SPAG16: variants seen among roughly 807,000 people sequenced by gnomAD.
SPAG16 encodes the protein sperm associated antigen 16.
In SPAG16, 86 loss-of-function variants were observed where a neutral mutation model predicts 80.4. That is an observed-to-expected ratio of 1.07 (90% confidence interval 0.90 to 1.28). The LOEUF (loss-of-function observed/expected upper bound fraction) is 1.28, where lower values mean the gene tolerates loss of function less well. Among genes scored for constraint, SPAG16 ranks in the 50% most tolerant of loss-of-function variants. The probability of loss-of-function intolerance (pLI) is 0.00; values close to 1 mark genes in which losing one functional copy is unlikely to be tolerated. For missense variants in SPAG16, 870 were observed against 765.3 expected (o/e 1.14, Z -1.61); for synonymous variants, 294 against 265.9 (o/e 1.11, Z -1.03).
intron 10 of SPAG16, among the ~76,000 whole-genome samples, chr2:213,774,302 A>G (rs2069435256): frequency 6.6e-6 from 1 of 152,246 alleles, no homozygotes; most frequent in South Asian, 2.1e-4. Context: ...TGACAGGGAC[A>G]TAATCCTTAC....
chr2:213,780,571 C>CT (rs367744311), intron 10 of SPAG16, among the ~76,000 whole-genome samples: 36,843 of 124,534 alleles, frequency 0.3, 5,667 homozygotes, highest in Middle Eastern at 0.4. Context: ...TCTTTTCTTT[C>CT]TTTTTTTTTT....
intron 10 of SPAG16, among the ~76,000 whole-genome samples, chr2:213,637,338 T>C (rs1015780613): frequency 6.6e-6 from 1 of 152,242 alleles, no homozygotes; most frequent in African/African-American, 2.4e-5. Flanking sequence ...TAGATTCAGC[T>C]AGTTAGTATT....
At chr2:214,157,256 A>C (rs2056256259) in intron 15 of SPAG16, among the ~76,000 whole-genome samples, 1 of 152,098 alleles carries the variant, frequency 6.6e-6, no homozygotes. Context: ...CCCATTTTAA[A>C]GTTTTAAGAG....
At chr2:213,824,357 G>A (rs1237560742) in intron 10 of SPAG16, among the ~76,000 whole-genome samples, 1 of 152,148 alleles carries the variant, frequency 6.6e-6, no homozygotes, top group Non-Finnish European at 1.5e-5. Context: ...TTTTCTTTTA[G>A]CAGTTTCATA....
chr2:213,928,498 T>G (rs1429222934), intron 11 of SPAG16, among the ~76,000 whole-genome samples: 1 of 152,168 alleles, frequency 6.6e-6, no homozygotes, highest in Non-Finnish European at 1.5e-5. Context: ...GTTTCTACGC[T>G]GCAGATAGAA....
chr2:213,327,729 A>G (rs1163889464), intron 5 of SPAG16, among the ~76,000 whole-genome samples: 1 of 152,126 alleles, frequency 6.6e-6, no homozygotes, highest in Non-Finnish European at 1.5e-5. Flanking sequence ...CAGTGTTACT[A>G]ATATTCACAT....
At chr2:214,183,814 G>A (rs1272896749) in intron 15 of SPAG16, among the ~76,000 whole-genome samples, 1 of 151,926 alleles carries the variant, frequency 6.6e-6, no homozygotes, top group Admixed American at 6.6e-5. Context: ...CCAATGAAAG[G>A]CTTCACCGAA....
intron 10 of SPAG16, among the ~76,000 whole-genome samples, chr2:213,697,945 T>C (rs1193959838): frequency 6.6e-6 from 1 of 152,170 alleles, no homozygotes; most frequent in Non-Finnish European, 1.5e-5. Flanking sequence ...ATTATTTCCT[T>C]CTCATCTCTC....
intron 11 of SPAG16, among the ~76,000 whole-genome samples, chr2:213,864,915 A>G (rs2075626466): frequency 6.6e-6 from 1 of 152,122 alleles, no homozygotes; most frequent in Non-Finnish European, 1.5e-5. Context: ...CAGACAAAAG[A>G]AGATTAATAG....
intron 10 of SPAG16, among the ~76,000 whole-genome samples, chr2:213,771,235 G>A (rs918016815): frequency 7.9e-5 from 12 of 151,922 alleles, no homozygotes; most frequent in Non-Finnish European, 1.8e-4. Context: ...TTTTTCGTAT[G>A]TTTGCTGGAT....
chr2:213,626,859 G>A (rs985304992), intron 10 of SPAG16, among the ~76,000 whole-genome samples: 1 of 151,894 alleles, frequency 6.6e-6, no homozygotes, highest in Non-Finnish European at 1.5e-5. Flanking sequence ...TGTTGGCCAG[G>A]CTGGTCTCGA....
At chr2:213,976,254 A>C (rs1246676485) in intron 12 of SPAG16, among the ~76,000 whole-genome samples, 1 of 150,702 alleles carries the variant, frequency 6.6e-6, no homozygotes, top group Non-Finnish European at 1.5e-5. Flanking sequence ...ACATACGTGT[A>C]TATACACACA....
At chr2:214,260,079 A>C (rs770907148) in intron 15 of SPAG16, among the ~76,000 whole-genome samples, 1 of 152,178 alleles carries the variant, frequency 6.6e-6, no homozygotes, top group Non-Finnish European at 1.5e-5. Context: ...AATTATACTT[A>C]AAGATTTTTG....
chr2:213,351,859 C>T (rs1010081271), intron 7 of SPAG16, among the ~76,000 whole-genome samples: 2 of 152,046 alleles, frequency 1.3e-5, no homozygotes, highest in African/African-American at 4.8e-5. Flanking sequence ...ATATTGGATA[C>T]AATGATAATA....
chr2:213,965,335 T>C (rs2044656382), intron 12 of SPAG16, among the ~76,000 whole-genome samples: 1 of 152,234 alleles, frequency 6.6e-6, no homozygotes, highest in East Asian at 1.9e-4. Flanking sequence ...AACCTCATCG[T>C]AAGTCGAGAA....
intron 14 of SPAG16, among the ~76,000 whole-genome samples, chr2:214,129,875 C>T (rs140450141): frequency 2.0e-5 from 3 of 152,206 alleles, no homozygotes; most frequent in Non-Finnish European, 2.9e-5. Flanking sequence ...GATTTATTTT[C>T]AACACCTGGT....
At chr2:213,964,907 A>G (rs1202827011) in intron 12 of SPAG16, among the ~76,000 whole-genome samples, 1 of 144,966 alleles carries the variant, frequency 6.9e-6, no homozygotes, top group Non-Finnish European at 1.5e-5. Flanking sequence ...TTAATTATTT[A>G]AGTGTGACTT....
chr2:213,653,730 A>T (rs2037179), intron 10 of SPAG16, among the ~76,000 whole-genome samples: 62,771 of 151,964 alleles, frequency 0.41, 13,541 homozygotes, highest in Middle Eastern at 0.52. Flanking sequence ...CCTCAAATTG[A>T]CTATCATTAT....
chr2:213,564,383 TACTCGAGAGGCTGAGGCAGGAGAATC>T (rs2059692878), intron 10 of SPAG16, among the ~76,000 whole-genome samples: 1 of 151,644 alleles, frequency 6.6e-6, no homozygotes, highest in Non-Finnish European at 1.5e-5. Context: ...TAATCCCAGC[TACTCGAGAGGCTGAGGCAGGAGAATC>T]ACTTGAACCT....
Sources: gnomAD v4.1 joint callset for allele counts (sites outside exome capture counted in the v4.1 genomes callset) on GRCh38, gnomAD v4.1.1 for gene constraint, MANE v1.5 for transcripts, NCBI Gene and HGNC (gene_info 2026-07-23, HGNC 2026-07-21) for gene names.